CPNE4: variants seen among roughly 807,000 people sequenced by gnomAD.
CPNE4 encodes copine 4.
CPNE4 carries 25 observed loss-of-function variants against 67.9 expected under a neutral mutation model. The observed-to-expected ratio is 0.37, with a 90% CI of 0.27 to 0.51. CPNE4 has a LOEUF of 0.51. Among genes scored for constraint, CPNE4 ranks in the 20% least tolerant of loss-of-function variants. The probability of loss-of-function intolerance (pLI) is 0.93; values close to 1 mark genes in which losing one functional copy is unlikely to be tolerated. For missense variants in CPNE4, 464 were observed against 690.8 expected (o/e 0.67, Z 3.68); for synonymous variants, 242 against 244.9 (o/e 0.99, Z 0.11).
At chr3:131,692,346 T>C (rs1303116750) in intron 5 of CPNE4, among the ~76,000 whole-genome samples, 1 of 152,160 alleles carries the variant, frequency 6.6e-6, no homozygotes, top group Non-Finnish European at 1.5e-5. Context: ...ATAATGTAGG[T>C]TAGACACCTG....
intron 2 of CPNE4, among the ~76,000 whole-genome samples, chr3:131,816,291 T>G (rs1322736343): frequency 6.6e-6 from 1 of 152,230 alleles, no homozygotes; most frequent in African/African-American, 2.4e-5. Flanking sequence ...CATGCTATCA[T>G]GGGGAGTGTT....
At chr3:131,817,115 G>A (rs1472642325) in intron 2 of CPNE4, among the ~76,000 whole-genome samples, 2 of 152,178 alleles carry the variant, frequency 1.3e-5, no homozygotes, top group Non-Finnish European at 2.9e-5. Context: ...GGGAAAGGAT[G>A]AGGAGGTGCA....
rs548142008 is a variant in CPNE4, at chr3:131,884,695, G to A, written c.180+20569C>T. 2.0e-5 allele frequency among the ~76,000 whole-genome samples: 3 copies of A among 152,244 alleles called. No individual in the cohort carries two copies. In the South Asian group the frequency reaches 6.2e-4, roughly 32 times the overall value. On this transcript the variant is annotated intron_variant, in intron 2 of 15. Transcript: ENST00000429747. ...CTGGTGGGAGATAAATGAATCATGGGGGCAGTTTCCTCCATACTGTTCTCA... is the reference window on the plus strand; with the variant it reads ...CTGGTGGGAGATAAATGAATCATGGAGGCAGTTTCCTCCATACTGTTCTCA...
At chr3:131,868,296 C>T (rs556740597) in intron 2 of CPNE4, among the ~76,000 whole-genome samples, 3 of 152,258 alleles carry the variant, frequency 2.0e-5, no homozygotes, top group East Asian at 1.9e-4. Context: ...GCAGAAGCAC[C>T]GTTACAATTT....
chr3:131,871,730 G>A (rs899777067), intron 2 of CPNE4, among the ~76,000 whole-genome samples: 4 of 152,168 alleles, frequency 2.6e-5, no homozygotes, highest in Non-Finnish European at 4.4e-5. Flanking sequence ...CTTAACATTC[G>A]AGAAAACCAA....
chr3:131,916,710 T>C (rs2107800131), intron 1 of CPNE4, among the ~76,000 whole-genome samples: 1 of 152,306 alleles, frequency 6.6e-6, no homozygotes, highest in African/African-American at 2.4e-5. Context: ...TGATGGACAA[T>C]ACAGCGGCTA....
chr3:131,634,327 T>C (rs1022141813), intron 7 of CPNE4, among the ~76,000 whole-genome samples: 2 of 152,186 alleles, frequency 1.3e-5, no homozygotes, highest in African/African-American at 4.8e-5. Flanking sequence ...TTGGCAAATA[T>C]TTTGCCAAAG....
At chr3:131,777,127 C>T (rs1426048119) in intron 2 of CPNE4, among the ~76,000 whole-genome samples, 1 of 152,108 alleles carries the variant, frequency 6.6e-6, no homozygotes, top group Non-Finnish European at 1.5e-5. Flanking sequence ...AAACAGCACA[C>T]ATTAATCTTC....
At chr3:131,993,283 A>C (rs1173039413) in intron 1 of CPNE4, among the ~76,000 whole-genome samples, 1 of 135,106 alleles carries the variant, frequency 7.4e-6, no homozygotes, top group East Asian at 2.4e-4. Context: ...ATGTGAAGTT[A>C]AGTAGATTGA....
At chr3:131,728,743 T>C (rs2082058594) in intron 2 of CPNE4, among the ~76,000 whole-genome samples, 1 of 151,286 alleles carries the variant, frequency 6.6e-6, no homozygotes, top group Admixed American at 6.6e-5. Flanking sequence ...ACCCCGTCTC[T>C]ACTTACAAAA....
intron 7 of CPNE4, among the ~76,000 whole-genome samples, chr3:131,631,562 T>G (rs536727603): frequency 1.2e-4 from 19 of 152,360 alleles, no homozygotes; most frequent in African/African-American, 4.1e-4. Flanking sequence ...TTCTCCCAGT[T>G]CAATGTATTA....
intron 2 of CPNE4, among the ~76,000 whole-genome samples, chr3:131,895,844 G>C (rs1285719340): frequency 1.3e-5 from 2 of 152,186 alleles, no homozygotes; most frequent in South Asian, 2.1e-4. Flanking sequence ...TCAGATTGGA[G>C]AAGCTGAGAA....
chr3:131,541,477 A>C (rs575179451), intron 15 of CPNE4, among the ~76,000 whole-genome samples: 1 of 152,148 alleles, frequency 6.6e-6, no homozygotes, highest in South Asian at 2.1e-4. Context: ...ACTATTTCTT[A>C]CTGGTAAGAG....
At chr3:131,757,870 T>C (rs1297631392) in intron 2 of CPNE4, among the ~76,000 whole-genome samples, 1 of 152,198 alleles carries the variant, frequency 6.6e-6, no homozygotes, top group Non-Finnish European at 1.5e-5. Flanking sequence ...GCTTGGGCTG[T>C]GGCTTCAGAG....
At chr3:131,879,498 A>G (rs1261459798) in intron 2 of CPNE4, among the ~76,000 whole-genome samples, 1 of 152,180 alleles carries the variant, frequency 6.6e-6, no homozygotes, top group East Asian at 1.9e-4. Context: ...GTTATTCTTT[A>G]TTCAAAGGAT....
intron 1 of CPNE4, chr3:131,925,550 C>T (rs1039131706): frequency 5.0e-5 from 3 of 59,450 alleles, no homozygotes; most frequent in African/African-American, 2.4e-4. Flanking sequence ...AAAGATTCTC[C>T]TTGGAGAAAG....
chr3:131,897,976 T>A (rs113015102), intron 2 of CPNE4, among the ~76,000 whole-genome samples: 1 of 152,066 alleles, frequency 6.6e-6, no homozygotes, highest in Non-Finnish European at 1.5e-5. Context: ...TAATTAAATA[T>A]GACAATATAT....
intron 11 of CPNE4, among the ~76,000 whole-genome samples, chr3:131,563,897 G>T (rs1936920827): frequency 6.6e-6 from 1 of 152,054 alleles, no homozygotes; most frequent in Non-Finnish European, 1.5e-5. Flanking sequence ...TTCAAATTCA[G>T]TAGGTTAAGA....
intron 1 of CPNE4, among the ~76,000 whole-genome samples, chr3:131,943,566 C>T (rs2071463018): frequency 6.6e-6 from 1 of 151,936 alleles, no homozygotes. Context: ...GGACATCTCC[C>T]CCACCCTTCT....
Sources: gnomAD v4.1 joint callset for allele counts (sites outside exome capture counted in the v4.1 genomes callset) on GRCh38, gnomAD v4.1.1 for gene constraint, MANE v1.5 for transcripts, NCBI Gene and HGNC (gene_info 2026-07-23, HGNC 2026-07-21) for gene names.